The following CDC42BPB variants were observed in gnomAD, a reference collection of about 807,000 sequenced individuals.
CDC42BPB encodes serine/threonine-protein kinase MRCK beta.
CDC42BPB carries 37 observed loss-of-function variants against 214.9 expected under a neutral mutation model. The observed-to-expected ratio is 0.17, with a 90% confidence interval of 0.13 to 0.23. The LOEUF (loss-of-function observed/expected upper bound fraction) is 0.23, where lower values mean the gene tolerates loss of function less well. Among genes scored for constraint, CDC42BPB ranks in the 10% least tolerant of loss-of-function variants. CDC42BPB has a pLI of 1.00. For missense variants in CDC42BPB, 1,694 were observed against 2,227.0 expected (o/e 0.76, Z 4.82); for synonymous variants, 931 against 884.0 (o/e 1.05, Z -0.94).
Position 102,978,031 on chromosome 14 carries a change from C to A in CDC42BPB, c.1220+95G>T, listed in dbSNP as rs1040325022. 6 of 944,832 alleles carry A rather than the reference C, an allele frequency of 6.4e-6. No homozygotes were observed. In the Admixed American group the frequency reaches 9.1e-5, roughly 14 times the overall value. 58.5% of individuals were successfully genotyped at this position (944,832 alleles called of 1,614,324 possible). ...TAATGGCCTCCCAGCGCACACACCA[C>A]CCACTAGCCCGCCCCCAGGGACAGA... is the stretch of plus-strand genomic sequence containing the variant. On this transcript the variant is annotated intron_variant, in intron 9 of 36. Transcript: ENST00000361246.
intron 3 of CDC42BPB, among the ~76,000 whole-genome samples, chr14:103,005,991 C>T (rs547180512): frequency 1.4e-5 from 2 of 146,552 alleles, no homozygotes; most frequent in Non-Finnish European, 3.0e-5. Context: ...TGCACTCCAG[C>T]CTGGGCGACA....
intron 30 of CDC42BPB, among the ~76,000 whole-genome samples, chr14:102,941,981 AG>A (rs1891911551): frequency 6.6e-6 from 1 of 152,266 alleles, no homozygotes; most frequent in South Asian, 2.1e-4. Flanking sequence ...CGGAGAACCG[AG>A]GAACTTCAGG....
intron 36 of CDC42BPB, among the ~76,000 whole-genome samples, chr14:102,934,776 C>T (rs139973187): frequency 0.016 from 2,372 of 152,020 alleles, 72 homozygotes; most frequent in African/African-American, 0.054. Context: ...CTTTGGGAGG[C>T]CAAGGTGGGC....
rs1159176528 is a variant in CDC42BPB at position 102,970,276 on chromosome 14, T to A, written c.1885-15A>T. 1 of 1,603,884 alleles carries A rather than the reference T, an allele frequency of 6.2e-7. No homozygotes were observed. Among genetic ancestry groups the A allele is most frequent in the Non-Finnish European group, 8.5e-7 (1 of 1,174,562 alleles). On this transcript the variant is annotated splice_polypyrimidine_tract_variant and intron_variant, in intron 13 of 36. Transcript: ENST00000361246. The stretch of plus-strand genomic sequence containing the variant: ...TGAGCTTCCAGCTACAAAAGGAAGA[T>A]CCAGTTTCTATTAACAAAAAGCGAG...
Position 102,967,064 on chromosome 14 carries a change from A to G in CDC42BPB, c.2453T>C (p.Ile818Thr). The stretch of plus-strand genomic sequence containing the variant: ...CACGTACCACTGAATGATTTCCGCA[A>G]TCTGAGCTTCCCAGTGGGCCACTGA... ...KESVAHWEAQIAEIIQWVSDE... is the reference protein window; with the variant it reads ...KESVAHWEAQTAEIIQWVSDE... Residue 818 changes from isoleucine to threonine, a missense_variant, in exon 17 of 37, where the codon ATT (isoleucine) becomes ACT (threonine). Transcript: ENST00000361246. 1 of 1,614,142 alleles carries G rather than the reference A, an allele frequency of 6.2e-7. No homozygotes were observed.
At chr14:103,053,605 CAA>C (rs370364579) in intron 1 of CDC42BPB, among the ~76,000 whole-genome samples, 2 of 149,824 alleles carry the variant, frequency 1.3e-5, no homozygotes, top group Non-Finnish European at 3.0e-5. Context: ...ACTAAAAATA[CAA>C]AAAAATTAGC....
At chr14:103,056,678 G>GA (rs1479270495) in intron 1 of CDC42BPB, among the ~76,000 whole-genome samples, 2 of 151,440 alleles carry the variant, frequency 1.3e-5, no homozygotes, top group Non-Finnish European at 2.9e-5. Context: ...CGGCGGGGGG[G>GA]AGGGGGTGGG....
intron 5 of CDC42BPB, 193 bp from the exon 6 acceptor site, chr14:102,986,773 G>A: frequency 6.2e-6 from 6 of 972,620 alleles, no homozygotes; most frequent in South Asian, 4.8e-5. Context: ...ACTGCCCCTC[G>A]TTTAGTCCCC....
At position 102,946,224 on chromosome 14, in the gene CDC42BPB, C is replaced by A. The variant is rs34433172; in HGVS notation, c.3748+244G>T. ...TTTTTTAGCAGAGACAGGGTTTCAC[C>A]GTGTTAGCCAGGATGGTCTCAACCT... On this transcript the variant is annotated intron_variant, in intron 28 of 36. Transcript: ENST00000361246. 7.4e-4 allele frequency among the ~76,000 whole-genome samples: 112 copies of A among 152,022 alleles called. No individual in the cohort carries two copies. The East Asian group carries it at 0.02, about 28-fold the overall frequency.
chr14:103,056,502 G>C (rs1387882387), intron 1 of CDC42BPB, among the ~76,000 whole-genome samples: 6 of 151,916 alleles, frequency 3.9e-5, no homozygotes, highest in Non-Finnish European at 8.8e-5. Context: ...CCACAACGCA[G>C]AGAAGCGTGG....
At chr14:103,031,463 T>A (rs1887371962) in intron 1 of CDC42BPB, among the ~76,000 whole-genome samples, 1 of 152,222 alleles carries the variant, frequency 6.6e-6, no homozygotes, top group South Asian at 2.1e-4. Flanking sequence ...GACATCTAGC[T>A]TTGTGCAGTC....
chr14:103,049,291 T>C (rs1888475737), intron 1 of CDC42BPB, among the ~76,000 whole-genome samples: 1 of 152,220 alleles, frequency 6.6e-6, no homozygotes, highest in Non-Finnish European at 1.5e-5. Flanking sequence ...CCCGGCCTGC[T>C]TGGCTGAAGG....
intron 5 of CDC42BPB, among the ~76,000 whole-genome samples, chr14:102,995,811 C>T (rs568602889): frequency 2.6e-5 from 4 of 152,282 alleles, no homozygotes; most frequent in Admixed American, 6.5e-5. Flanking sequence ...CATCGGCCAG[C>T]GGCACCACTC....
chr14:103,038,781 C>T (rs912008128), intron 1 of CDC42BPB, among the ~76,000 whole-genome samples: 6 of 149,240 alleles, frequency 4.0e-5, no homozygotes, highest in African/African-American at 7.5e-5. Context: ...TCAAGTGATT[C>T]GCCCACCTCA....
intron 16 of CDC42BPB, among the ~76,000 whole-genome samples, chr14:102,967,672 G>A (rs1893275408): frequency 6.6e-6 from 1 of 152,186 alleles, no homozygotes; most frequent in African/African-American, 2.4e-5. Flanking sequence ...ACAATGCTAA[G>A]TATCTGTGTA....
In CDC42BPB at chr14:102,951,557, G is replaced by C. The variant is rs139010932; in HGVS notation, c.3172+941C>G. The stretch of plus-strand genomic sequence containing the variant: ...TAATCCCAGCACTTTGGGAGGCCGA[G>C]GCAGGTGGATCACTTGAGGTCAGGA... On this transcript the variant is annotated intron_variant, in intron 24 of 36. Coordinates refer to ENST00000361246, the MANE Select transcript of CDC42BPB (RefSeq NM_006035.4). 7.0e-3 allele frequency among the ~76,000 whole-genome samples: 1,061 copies of C among 152,292 alleles called. 6 individuals are homozygous for C. Among genetic ancestry groups the C allele is most frequent in the Non-Finnish European group, 0.013 (854 of 68,034 alleles).
At chr14:103,032,914 G>A (rs1207792741) in intron 1 of CDC42BPB, among the ~76,000 whole-genome samples, 2 of 148,544 alleles carry the variant, frequency 1.3e-5, no homozygotes, top group Non-Finnish European at 1.5e-5. Flanking sequence ...ACCGTGCCCG[G>A]CCACAAATCC....
Position 102,987,788 on chromosome 14 carries a change from A to AACACACACACACACAC in CDC42BPB, c.597-1224_597-1209dup, listed in dbSNP as rs57579935. On this transcript the variant is annotated intron_variant, in intron 5 of 36. Coordinates refer to ENST00000361246, the MANE Select transcript of CDC42BPB (RefSeq NM_006035.4). ...CAAAACAAAATCCCACAAACACACA[A>AACACACACACACACAC]ACACACACACACACACACACACACA... Among the ~76,000 whole-genome samples, 36 of 140,746 alleles carry AACACACACACACACAC rather than the reference A, an allele frequency of 2.6e-4. 2 individuals are homozygous for AACACACACACACACAC. Among genetic ancestry groups the AACACACACACACACAC allele is most frequent in the African/African-American group, 5.1e-4 (19 of 37,440 alleles). The allele number at this position is 140,746 out of a possible 152,430, so 92.3% of individuals were successfully genotyped here.
chr14:102,979,488 A>G (rs1210671023), intron 8 of CDC42BPB, among the ~76,000 whole-genome samples: 3 of 152,194 alleles, frequency 2.0e-5, no homozygotes, highest in Non-Finnish European at 2.9e-5. Context: ...CTGGGACTAC[A>G]GGGGTGACTC....
Sources: allele counts gnomAD v4.1 joint callset (sites outside exome capture counted in the v4.1 genomes callset), GRCh38; gene constraint gnomAD v4.1.1; transcripts MANE v1.5; gene names NCBI Gene and HGNC (gene_info 2026-07-23, HGNC 2026-07-21).